The following IFNAR1 variants were observed in gnomAD, a reference collection of about 807,000 sequenced individuals.
IFNAR1 encodes the protein interferon alpha/beta receptor 1.
A neutral mutation model predicts 62.1 loss-of-function variants in IFNAR1; 47 were observed. That is an observed-to-expected ratio of 0.76 (90% CI 0.60 to 0.97). IFNAR1 has a LOEUF of 0.97. Ranked by LOEUF, IFNAR1 falls within the 50% of genes least tolerant of loss-of-function variation. The pLI is 0.00. For synonymous variants in IFNAR1, 219 were observed against 226.9 expected, an observed-to-expected ratio of 0.97 and a Z score of 0.31; for missense variants, 638 against 654.5, an observed-to-expected ratio of 0.97 and a Z score of 0.27.
intron 10 of IFNAR1, among the ~76,000 whole-genome samples, chr21:33,354,843 C>T (rs1460573219): frequency 6.6e-6 from 1 of 152,118 alleles, no homozygotes; most frequent in African/African-American, 2.4e-5. Context: ...TATTATACCC[C>T]TGAGTTTTTA....
intron 10 of IFNAR1, among the ~76,000 whole-genome samples, chr21:33,354,370 A>G (rs1568933972): frequency 6.6e-6 from 1 of 152,286 alleles, no homozygotes; most frequent in South Asian, 2.1e-4. Context: ...CTGTAATGTG[A>G]TTCTTCTCAG....
intron 2 of IFNAR1, among the ~76,000 whole-genome samples, chr21:33,336,503 A>C (rs1002181355): frequency 4.0e-5 from 6 of 150,534 alleles, no homozygotes; most frequent in African/African-American, 1.5e-4. Context: ...CGCCACACTG[A>C]CTTCCACAAT....
intron 3 of IFNAR1, 145 bp downstream of exon 3, chr21:33,341,319 C>G: frequency 1.7e-6 from 1 of 584,608 alleles, no homozygotes; most frequent in Non-Finnish European, 2.9e-6. Flanking sequence ...CTTCTTCCTG[C>G]TATGGCTCCA....
At chr21:33,348,853 T>G (rs2083373352) in intron 6 of IFNAR1, among the ~76,000 whole-genome samples, 1 of 152,144 alleles carries the variant, frequency 6.6e-6, no homozygotes, top group Non-Finnish European at 1.5e-5. Flanking sequence ...CTGGAAATTC[T>G]AACTAACAGA....
At chr21:33,350,286 T>G (rs563608476) in intron 8 of IFNAR1, among the ~76,000 whole-genome samples, 2 of 150,612 alleles carry the variant, frequency 1.3e-5, no homozygotes, top group South Asian at 2.1e-4. Flanking sequence ...CAAAAACATC[T>G]TCAGATATTG....
chr21:33,349,176 G>T lies in IFNAR1; in HGVS notation c.874G>T (p.Val292Phe). Residue 292 changes from valine to phenylalanine, a missense_variant, in exon 7 of 11, where the codon GTC becomes TTC. Physicochemically the swap from Val to Phe is conservative, Grantham distance 50. Coordinates refer to ENST00000270139, the MANE Select transcript of IFNAR1 (RefSeq NM_000629.3). ...TGAAAATGTCAAAACTACCCAGTGT[G>T]TCTTTCCTCAAAACGTTTTCCAAAA... The part of the protein sequence containing the change: ...DCENVKTTQC[V>F]FPQNVFQKGI... 5 of 1,612,928 alleles carry T rather than the reference G, an allele frequency of 3.1e-6. No homozygotes were observed. The highest frequency in any genetic ancestry group is 4.2e-6 in the Non-Finnish European group (5 of 1,179,026).
At chr21:33,345,755 T>G (rs2083339473) in intron 6 of IFNAR1, among the ~76,000 whole-genome samples, 2 of 152,278 alleles carry the variant, frequency 1.3e-5, no homozygotes, top group Non-Finnish European at 1.5e-5. Context: ...CTCAGTCCAC[T>G]CACTTGTTCA....
At chr21:33,352,470 A>G (rs1035509784) in intron 8 of IFNAR1, among the ~76,000 whole-genome samples, 2 of 152,050 alleles carry the variant, frequency 1.3e-5, no homozygotes, top group African/African-American at 4.8e-5. Flanking sequence ...GCGTGGTGGC[A>G]TCTGCATCTG....
intron 6 of IFNAR1, among the ~76,000 whole-genome samples, chr21:33,348,111 G>A (rs577037850): frequency 4.6e-5 from 7 of 152,180 alleles, no homozygotes; most frequent in Non-Finnish European, 1.0e-4. Context: ...GCTTTTAGCT[G>A]TTGGTTTCTG....
chr21:33,345,268 A>G lies in IFNAR1; in HGVS notation c.696A>G (p.Pro232=). ...TAGTTGAAAATGAACTACCTCCACC[A>G]GAAAATATAGAAGTCAGTGTCCAAA... The part of the protein sequence containing the change: ...KTTVENELPP[P]ENIEVSVQNQ... Residue 232 remains proline (P), a synonymous_variant, in exon 6 of 11, where the codon CCA becomes CCG. Coordinates refer to ENST00000270139, the MANE Select transcript of IFNAR1 (RefSeq NM_000629.3). 1 of 1,588,200 alleles carries G rather than the reference A, an allele frequency of 6.3e-7. No individual in the cohort carries two copies.
At chr21:33,335,485 G>A (rs756933453) in intron 1 of IFNAR1, 39 bp from the exon 2 acceptor site, 2 of 1,242,754 alleles carry the variant, frequency 1.6e-6, no homozygotes, top group Admixed American at 1.9e-5. Flanking sequence ...TATCTGTACA[G>A]TTTGTATATA....
At chr21:33,347,295 A>G (rs1229120725) in intron 6 of IFNAR1, among the ~76,000 whole-genome samples, 1 of 151,970 alleles carries the variant, frequency 6.6e-6, no homozygotes, top group Non-Finnish European at 1.5e-5. Context: ...ACACCCAGCT[A>G]ATTTTTGTAG....
At chr21:33,337,795 TAC>T (rs1009131904) in intron 2 of IFNAR1, among the ~76,000 whole-genome samples, 20 of 135,508 alleles carry the variant, frequency 1.5e-4, no homozygotes, top group African/African-American at 4.7e-4. Context: ...TATATGTATA[TAC>T]ACACACAAAT....
Position 33,355,429 on chromosome 21 carries a change from T to C in IFNAR1, c.1554T>C (p.Asn518=), listed in dbSNP as rs1255612912. The C allele has an allele frequency of 6.3e-7, 1 of 1,596,448 alleles. No homozygotes were observed. Among genetic ancestry groups the C allele is most frequent in the Non-Finnish European group, 8.6e-7 (1 of 1,166,698 alleles). The change falls in exon 11 of 11, where the codon AAT becomes AAC. Residue 518 remains asparagine (N), a synonymous_variant. Coordinates refer to ENST00000270139, the MANE Select transcript of IFNAR1 (RefSeq NM_000629.3). ...ISTIATVEET[N]QTDEDHKKYS... ...CAATTGCTACAGTAGAAGAAACTAA[T>C]CAAACTGATGAAGATCATAAAAAAT...
intron 2 of IFNAR1, among the ~76,000 whole-genome samples, chr21:33,338,383 AC>A (rs11318125): frequency 1 from 152,059 of 152,062 alleles, 76,028 homozygotes; most frequent in Middle Eastern, 1. Flanking sequence ...AAATACAAAA[AC>A]TTCAGCCGGA....
chr21:33,328,392 G>T (rs1043973937), intron 1 of IFNAR1, among the ~76,000 whole-genome samples: 2 of 152,236 alleles, frequency 1.3e-5, no homozygotes, highest in Middle Eastern at 3.4e-3. Context: ...ACCTCACTTC[G>T]CATCATGGCC....
intron 1 of IFNAR1, among the ~76,000 whole-genome samples, chr21:33,325,577 C>A (rs1460582930): frequency 2.0e-5 from 3 of 152,034 alleles, no homozygotes; most frequent in Non-Finnish European, 2.9e-5. Context: ...TCATACAGGC[C>A]AATAAAAAAT....
Position 33,355,468 on chromosome 21 carries a change from T to C in IFNAR1, c.1593T>C (p.Thr531=). The C allele has an allele frequency of 6.2e-7, 1 of 1,608,190 alleles. No individual in the cohort carries two copies. Among genetic ancestry groups the C allele is most frequent in the Non-Finnish European group, 8.5e-7 (1 of 1,177,366 alleles). ...DEDHKKYSSQ[T]SQDSGNYSNE... ...ATCATAAAAAATACAGTTCCCAAAC[T>C]AGCCAAGATTCAGGAAATTATTCTA... Residue 531 remains threonine (T), a synonymous_variant, in exon 11 of 11, where the codon ACT becomes ACC. Transcript: ENST00000270139.
In IFNAR1 at chr21:33,357,620, G is replaced by T. The variant is rs1399927019; in HGVS notation, c.*2071G>T. 6.6e-6 allele frequency: 1 copy of T among 151,912 alleles called. No individual in the cohort carries two copies. The highest frequency in any genetic ancestry group is 1.9e-4 in the East Asian group (1 of 5,174). 9.4% of individuals were successfully genotyped at this position (151,912 alleles called of 1,614,324 possible). ...GGCTCACTGCAACCTCGCCTCCCGG[G>T]TTCAAGCAATTCTCTGCCGCAGCCT... On this transcript the variant is annotated 3_prime_UTR_variant, in exon 11 of 11. Transcript: ENST00000270139.
Sources: gnomAD v4.1 joint callset for allele counts (sites outside exome capture counted in the v4.1 genomes callset) on GRCh38, gnomAD v4.1.1 for gene constraint, MANE v1.5 for transcripts, NCBI Gene and HGNC (gene_info 2026-07-23, HGNC 2026-07-21) for gene names.